Variants in ABCC2 observed in about 807,000 individuals in gnomAD.
ABCC2 encodes the protein ATP binding cassette subfamily C member 2, also known as ATP-binding cassette sub-family C member 2.
A neutral mutation model predicts 173.4 loss-of-function variants in ABCC2; 157 were observed. The observed-to-expected ratio is 0.91, with a 90% CI of 0.80 to 1.03. ABCC2 has a LOEUF of 1.03. ABCC2 is among the 50% of genes least tolerant of loss of function. The pLI, the probability that ABCC2 is intolerant of heterozygous loss-of-function variation, is 0.00. For synonymous variants in ABCC2, 657 were observed against 693.5 expected (o/e 0.95, Z 0.83); for missense variants, 1,822 against 1,852.3 (o/e 0.98, Z 0.30).
In ABCC2 at chr10:99,834,393, T is replaced by C. The variant is rs773384396; in HGVS notation, c.3272T>C (p.Val1091Ala). ...VNRFAGDIST[V>A]DDTLPQSLRS... ...TCGTTTTCCTAGGATATTTCCACAG[T>C]GGATGACACCCTGCCTCAGTCCTTG... Residue 1091 changes from valine (V) to alanine (A), a missense_variant, in exon 24 of 32, where the codon GTG becomes GCG. By Grantham distance (64) the Val-to-Ala change is moderately conservative. Coordinates refer to ENST00000647814, the MANE Select transcript of ABCC2 (RefSeq NM_000392.5). The C allele has an allele frequency of 5.5e-5, 89 of 1,614,070 alleles. No homozygotes were observed. Among genetic ancestry groups the C allele is most frequent in the Non-Finnish European group, 7.1e-5 (84 of 1,180,018 alleles).
In ABCC2 at chr10:99,850,524, A is replaced by G. The variant is rs559172903; in HGVS notation, c.4314-78A>G. On this transcript the variant is annotated intron_variant, in intron 30 of 31. Transcript: ENST00000647814. ...GGGGGTTTTGAAAGTCTGATCTGGA[A>G]CATGAAAATGGTCCCCCTGCCCTGC... 97 of 1,424,528 alleles carry G rather than the reference A, an allele frequency of 6.8e-5. 1 individual carries two copies. In the South Asian group the frequency reaches 1.1e-3, roughly 16 times the overall value. The allele number at this position is 1,424,528 out of a possible 1,614,324, so 88.2% of individuals were successfully genotyped here.
rs934046550 is a variant in ABCC2, at chr10:99,801,725, T to C, written c.1209+1162T>C. Among the ~76,000 whole-genome samples, 13 of 152,246 alleles carry C rather than the reference T, an allele frequency of 8.5e-5. 1 individual carries two copies. The highest frequency in any genetic ancestry group is 5.2e-4 in the Admixed American group (8 of 15,286). On this transcript the variant is annotated intron_variant, in intron 9 of 31. Transcript: ENST00000647814. ...CCAATCTTTTTATAAGTTGGAACACTAGTTGACTTTCTTCCTTTTTTTCTT... is the reference window on the plus strand; with the variant it reads ...CCAATCTTTTTATAAGTTGGAACACCAGTTGACTTTCTTCCTTTTTTTCTT...
rs2038431552 is a variant in ABCC2, at chr10:99,817,055, A to T, written c.2095-253A>T. Among the ~76,000 whole-genome samples the T allele has an allele frequency of 2.0e-5, 3 of 152,126 alleles. No individual in the cohort carries two copies. The South Asian group carries it at 6.2e-4, about 32-fold the overall frequency. On this transcript the variant is annotated intron_variant, in intron 16 of 31. Coordinates refer to ENST00000647814, the MANE Select transcript of ABCC2 (RefSeq NM_000392.5). ...GAAGCATCACACACATTTATCATCTAATTTTCAGGATCATGGCTGAAAAAC... is the reference window on the plus strand; with the variant it reads ...GAAGCATCACACACATTTATCATCTTATTTTCAGGATCATGGCTGAAAAAC...
At chr10:99,794,055 G>T in intron 5 of ABCC2, 56 bp downstream of exon 5, 1 of 1,492,964 alleles carries the variant, frequency 6.7e-7, no homozygotes, top group South Asian at 1.1e-5. Flanking sequence ...ATATCTTAAT[G>T]AATATAACTT....
chr10:99,822,516 G>A (rs2038556531), intron 19 of ABCC2, among the ~76,000 whole-genome samples: 1 of 151,848 alleles, frequency 6.6e-6, no homozygotes, highest in South Asian at 2.1e-4. Flanking sequence ...ATCCAAACAG[G>A]AAGCTGATTT....
chr10:99,833,191 T>C (rs528852166), intron 23 of ABCC2, among the ~76,000 whole-genome samples: 1 of 152,320 alleles, frequency 6.6e-6, no homozygotes, highest in South Asian at 2.1e-4. Context: ...GCAGAAACAG[T>C]GGGCATGATG....
chr10:99,798,415 A>G (rs1178653141), intron 7 of ABCC2, among the ~76,000 whole-genome samples: 1 of 152,126 alleles, frequency 6.6e-6, no homozygotes, highest in Non-Finnish European at 1.5e-5. Flanking sequence ...TGCCCCATGT[A>G]TTAGTTTCCT....
At chr10:99,821,689 T>C (rs148135870) in intron 19 of ABCC2, among the ~76,000 whole-genome samples, 3,939 of 152,228 alleles carry the variant, frequency 0.026, 148 homozygotes, top group African/African-American at 0.08. Context: ...GGTCACAGAA[T>C]CTTAAGGCAG....
At chr10:99,807,558 C>T in intron 12 of ABCC2, 37 bp downstream of exon 12, 1 of 1,613,696 alleles carries the variant, frequency 6.2e-7, no homozygotes, top group Admixed American at 1.7e-5. Context: ...GCGTATTCAC[C>T]TGGACCTGCA....
At chr10:99,787,607 T>C (rs1475081180) in intron 2 of ABCC2, among the ~76,000 whole-genome samples, 3 of 152,240 alleles carry the variant, frequency 2.0e-5, no homozygotes, top group African/African-American at 7.2e-5. Flanking sequence ...CTGAGTTGCT[T>C]TGCATTTTTA....
chr10:99,812,235 G>A (rs1040843837), intron 15 of ABCC2, among the ~76,000 whole-genome samples: 9 of 152,176 alleles, frequency 5.9e-5, no homozygotes, highest in Non-Finnish European at 1.2e-4. Context: ...CTAGCCCCAG[G>A]ATGAGTTGGG....
intron 19 of ABCC2, among the ~76,000 whole-genome samples, chr10:99,823,193 G>A (rs372405948): frequency 1.2e-4 from 18 of 152,108 alleles, no homozygotes; most frequent in African/African-American, 4.3e-4. Flanking sequence ...AATGTTGTAC[G>A]ATATCTTTTG....
chr10:99,803,943 C>G, intron 9 of ABCC2, 76 bp from the exon 10 acceptor site: 2 of 1,589,568 alleles, frequency 1.3e-6, no homozygotes, highest in Non-Finnish European at 1.7e-6. Flanking sequence ...TGTAATCTCA[C>G]TTCCTGAGCT....
In ABCC2 at chr10:99,851,490, T is replaced by C. The variant is rs753941579; in HGVS notation, c.4509-12T>C. On this transcript the variant is annotated splice_polypyrimidine_tract_variant and intron_variant, in intron 31 of 31. Transcript: ENST00000647814. ...CTTTCTAAGACTTTTATTTCTTTCT[T>C]CCTTGTTTCAGGGTAATGGTCCTAG... 6.2e-7 allele frequency: 1 copy of C among 1,614,114 alleles called. No individual in the cohort carries two copies. Among genetic ancestry groups the C allele is most frequent in the East Asian group, 2.2e-5 (1 of 44,882 alleles).
chr10:99,831,972 T>A lies in ABCC2; in HGVS notation c.3104-5T>A, dbSNP rs1342018645. On this transcript the variant is annotated splice_region_variant and splice_polypyrimidine_tract_variant and intron_variant, in intron 22 of 31. Coordinates refer to ENST00000647814, the MANE Select transcript of ABCC2 (RefSeq NM_000392.5). The stretch of plus-strand genomic sequence containing the variant: ...TGGTGCTGACAAAACTGCTTCCATC[T>A]CTAGGTATATTTGTGTTCATAGCAC... The A allele has an allele frequency of 6.2e-7, 1 of 1,614,226 alleles. No individual in the cohort carries two copies. Among genetic ancestry groups the A allele is most frequent in the South Asian group, 1.1e-5 (1 of 91,082 alleles).
chr10:99,797,771 T>C (rs892424976), intron 7 of ABCC2: 1 of 213,082 alleles, frequency 4.7e-6, no homozygotes, highest in Non-Finnish European at 9.6e-6. Context: ...TCTTTGAAAG[T>C]AATAATAGCT....
At chr10:99,829,619 G>C (rs1368380532) in intron 19 of ABCC2, among the ~76,000 whole-genome samples, 1 of 151,960 alleles carries the variant, frequency 6.6e-6, no homozygotes. Flanking sequence ...TAAATTATTT[G>C]AATTTCAAGA....
At chr10:99,847,945 C>T (rs926928762) in intron 30 of ABCC2, among the ~76,000 whole-genome samples, 2 of 150,782 alleles carry the variant, frequency 1.3e-5, no homozygotes, top group African/African-American at 2.5e-5. Context: ...AAACAAAAAA[C>T]CTTTGTTATT....
intron 23 of ABCC2, among the ~76,000 whole-genome samples, chr10:99,833,215 C>T (rs1043631298): frequency 1.3e-5 from 2 of 152,182 alleles, no homozygotes; most frequent in African/African-American, 4.8e-5. Context: ...CTAGAGACAA[C>T]TTCAATGGCC....
Sources: gnomAD v4.1 joint callset for allele counts (sites outside exome capture counted in the v4.1 genomes callset) on GRCh38, gnomAD v4.1.1 for gene constraint, MANE v1.5 for transcripts, NCBI Gene and HGNC (gene_info 2026-07-23, HGNC 2026-07-21) for gene names.